CHD5: variants seen among roughly 807,000 people sequenced by gnomAD.
CHD5 encodes the protein chromodomain helicase DNA binding protein 5.
In CHD5, 69 loss-of-function variants were observed where a neutral mutation model predicts 230.3. That is an observed-to-expected ratio of 0.30 (90% CI 0.25 to 0.37). The LOEUF is 0.37. CHD5 is among the 10% of genes least tolerant of loss of function. The pLI is 1.00. For missense variants in CHD5, 1,827 were observed against 2,622.8 expected (o/e 0.70, Z 6.63); for synonymous variants, 1,064 against 1,065.9 (o/e 1.00, Z 0.03).
In CHD5 at chr1:6,130,362, G is replaced by C; in HGVS notation, c.3263-34C>G. 2.5e-6 allele frequency: 4 copies of C among 1,605,628 alleles called. No homozygotes were observed. In the South Asian group the frequency reaches 3.3e-5, roughly 13 times the overall value. ...GAGAGGCCAGCAGATGGGAGTGTTT[G>C]GGGGGGTACACCTTGGGTGGGCAGA... On this transcript the variant is annotated intron_variant, in intron 21 of 41. Transcript: ENST00000262450. The surrounding 1 kb of genome is among the most constrained non-coding windows in gnomAD (Gnocchi z 4.9).
chr1:6,171,296 C>T (rs144902287), intron 1 of CHD5, among the ~76,000 whole-genome samples: 239 of 152,290 alleles, frequency 1.6e-3, no homozygotes, highest in African/African-American at 5.3e-3. Context: ...AGACCCTCTG[C>T]CCATGGACAG....
At position 6,136,651 on chromosome 1, in the gene CHD5, G is replaced by A. The variant is rs1478645852; in HGVS notation, c.2575-13C>T. On this transcript the variant is annotated splice_polypyrimidine_tract_variant and intron_variant, in intron 16 of 41. Transcript: ENST00000262450. ...AGACCCTAAAAAACTGAGGGGAGGAGAGTGGGGCCTGTCAGGGGGCTCTGG... is the reference window on the plus strand; with the variant it reads ...AGACCCTAAAAAACTGAGGGGAGGAAAGTGGGGCCTGTCAGGGGGCTCTGG... 3.1e-6 allele frequency: 5 copies of A among 1,613,754 alleles called. No individual in the cohort carries two copies. Among genetic ancestry groups the A allele is most frequent in the Admixed American group, 1.7e-5 (1 of 59,978 alleles).
Position 6,125,340 on chromosome 1 carries a change from G to A in CHD5, c.4261-107C>T. ...ATGGGAGGAGGAGAAGGTAGGAAGG[G>A]GGCACAGAGAAGGCAGGGGCCTCCA... On this transcript the variant is annotated intron_variant, in intron 28 of 41. Coordinates refer to ENST00000262450, the MANE Select transcript of CHD5 (RefSeq NM_015557.3). This position sits in a 1 kb window ranked among gnomAD's most constrained non-coding sequence, Gnocchi z 6.7. The A allele has an allele frequency of 2.4e-6, 3 of 1,270,188 alleles. No homozygotes were observed. The highest frequency in any genetic ancestry group is 3.2e-6 in the Non-Finnish European group (3 of 925,574). 78.7% of individuals were successfully genotyped at this position (1,270,188 alleles called of 1,614,324 possible). A position where few individuals can be genotyped will look rare whatever the true frequency, so the allele number is the denominator to read the frequency against.
chr1:6,149,539 G>C (rs1048616936), intron 7 of CHD5, 127 bp from the exon 8 acceptor site: 3 of 873,640 alleles, frequency 3.4e-6, no homozygotes, highest in Non-Finnish European at 5.0e-6. Flanking sequence ...AAGGTGGGTG[G>C]GTGAATAGAC....
intron 2 of CHD5, among the ~76,000 whole-genome samples, chr1:6,162,727 A>G (rs765906372): frequency 9.9e-5 from 15 of 152,216 alleles, no homozygotes; most frequent in Non-Finnish European, 1.5e-4. Context: ...CCAGGACGAC[A>G]AGCTGGAGGG....
Position 6,130,325 on chromosome 1 carries a change from G to T in CHD5, c.3266C>A (p.Pro1089His). ...GAGGAAGCAGAACTGCTGGGCCCCG[G>T]GGGCTGAAAAAGAGAGGCCAGCAGA... ...RQEAIDRFNA[P>H]GAQQFCFLLS... Residue 1089 changes from proline (P) to histidine (H), a missense_variant, in exon 22 of 42, where the codon CCC becomes CAC. Pro to His is a moderately conservative substitution (Grantham distance 77). Around this residue, in one of 14 missense-constraint regions of CHD5, gnomAD observed 81 missense variants for 245.4 expected, o/e 0.33. Transcript: ENST00000262450. The surrounding 1 kb of genome is among the most constrained non-coding windows in gnomAD (Gnocchi z 4.9). 6.2e-7 allele frequency: 1 copy of T among 1,613,720 alleles called. No individual in the cohort carries two copies. The highest frequency in any genetic ancestry group is 8.5e-7 in the Non-Finnish European group (1 of 1,179,856).
At chr1:6,168,066 G>T in intron 2 of CHD5, 84 bp downstream of exon 2, 1 of 1,475,064 alleles carries the variant, frequency 6.8e-7, no homozygotes, top group South Asian at 1.4e-5. Context: ...AAGGTCCAGG[G>T]ACCCCAGCCC....
At chr1:6,135,091 A>T in intron 18 of CHD5, 139 bp downstream of exon 18, 1 of 1,068,720 alleles carries the variant, frequency 9.4e-7, no homozygotes, top group Non-Finnish European at 1.4e-6. Context: ...AAGAGGCCCC[A>T]CGAAGAAAGT....
In CHD5 at chr1:6,180,115, G is replaced by A. The variant is rs545749164; in HGVS notation, c.-92C>T. 8.7e-6 allele frequency: 4 copies of A among 459,624 alleles called. No homozygotes were observed. The highest frequency in any genetic ancestry group is 7.1e-5 in the East Asian group (1 of 14,004). The allele number at this position is 459,624 out of a possible 1,614,324, so 28.5% of individuals were successfully genotyped here. A position where few individuals can be genotyped will look rare whatever the true frequency, so the allele number is the denominator to read the frequency against. On this transcript the variant is annotated 5_prime_UTR_variant, in exon 1 of 42. Coordinates refer to ENST00000262450, the MANE Select transcript of CHD5 (RefSeq NM_015557.3). ...CGTGCGCTGCCGGACCGGCGCGCGC[G>A]GCGGGCGAGGCGGCCTCGGCGAGAA...
In CHD5 at chr1:6,121,718, G is replaced by C; in HGVS notation, c.4700-145C>G. The C allele has an allele frequency of 3.2e-6, 2 of 616,530 alleles. No homozygotes were observed. Among genetic ancestry groups the C allele is most frequent in the Admixed American group, 5.8e-5 (2 of 34,530 alleles). The allele number at this position is 616,530 out of a possible 1,614,324, so 38.2% of individuals were successfully genotyped here. ...AAGCACCTCCAGGAGAGACAAGCAG[G>C]ATCCCCGGCTAAGTCAGAGAGGCCA... On this transcript the variant is annotated intron_variant, in intron 31 of 41. Coordinates refer to ENST00000262450, the MANE Select transcript of CHD5 (RefSeq NM_015557.3). The surrounding 1 kb of genome is among the most constrained non-coding windows in gnomAD (Gnocchi z 4.5).
At chr1:6,149,478 C>G in intron 7 of CHD5, 66 bp from the exon 8 acceptor site, 1 of 1,502,482 alleles carries the variant, frequency 6.7e-7, no homozygotes, top group African/African-American at 1.4e-5. Context: ...CCAACTGCAT[C>G]GCCCCAGGCC....
intron 7 of CHD5, among the ~76,000 whole-genome samples, chr1:6,150,716 G>A (rs149924238): frequency 1.6e-3 from 246 of 152,242 alleles, no homozygotes; most frequent in African/African-American, 5.6e-3. Flanking sequence ...GGATGGCGAT[G>A]AGATGAAGCA....
Position 6,101,925 on chromosome 1 carries a change from G to A in CHD5, c.*3549C>T. 1 of 393,608 alleles carries A rather than the reference G, an allele frequency of 2.5e-6. No homozygotes were observed. Among genetic ancestry groups the A allele is most frequent in the Non-Finnish European group, 5.1e-6 (1 of 197,566 alleles). The allele number at this position is 393,608 out of a possible 1,614,324, so 24.4% of individuals were successfully genotyped here. A position where few individuals can be genotyped will look rare whatever the true frequency, so the allele number is the denominator to read the frequency against. ...AAGACCAGACAAGCCACGGCTCACA[G>A]GGGAGCCTGGCTTCCAAAGCTGGAC... On this transcript the variant is annotated 3_prime_UTR_variant, in exon 42 of 42. Coordinates refer to ENST00000262450, the MANE Select transcript of CHD5 (RefSeq NM_015557.3).
intron 15 of CHD5, among the ~76,000 whole-genome samples, chr1:6,141,570 G>A (rs952689168): frequency 2.0e-5 from 3 of 151,628 alleles, no homozygotes; most frequent in Non-Finnish European, 4.4e-5. Flanking sequence ...AGTCGAGATC[G>A]CCCCACTGCA....
chr1:6,143,921 G>A lies in CHD5; in HGVS notation c.1945C>T (p.Leu649=). The stretch of plus-strand genomic sequence containing the variant: ...TTGGGCAGCCTGGTGTCTTCTCCCA[G>A]CATCAGCTCCCTGGGAAACGGCATT... ...QAYWGHRELM[L]GEDTRLPKRL... Residue 649 remains leucine, a synonymous_variant, in exon 13 of 42, where the codon CTG becomes TTG. Coordinates refer to ENST00000262450, the MANE Select transcript of CHD5 (RefSeq NM_015557.3). 6.2e-7 allele frequency: 1 copy of A among 1,614,070 alleles called. No homozygotes were observed. Among genetic ancestry groups the A allele is most frequent in the South Asian group, 1.1e-5 (1 of 91,074 alleles).
chr1:6,112,854 G>A, intron 34 of CHD5, 55 bp downstream of exon 34: 1 of 1,339,578 alleles, frequency 7.5e-7, no homozygotes, highest in Non-Finnish European at 1.1e-6. Context: ...AGGGTCCAGA[G>A]GGCACCCTCA....
chr1:6,138,752 C>T (rs1213192535), intron 15 of CHD5, among the ~76,000 whole-genome samples: 1 of 152,242 alleles, frequency 6.6e-6, no homozygotes, highest in East Asian at 1.9e-4. Flanking sequence ...GGCAGTTCCA[C>T]TTCTGGGTGT....
At chr1:6,172,161 G>A (rs1667348332) in intron 1 of CHD5, among the ~76,000 whole-genome samples, 1 of 152,200 alleles carries the variant, frequency 6.6e-6, no homozygotes, top group South Asian at 2.1e-4. Context: ...CTGCGGCCAG[G>A]CCGATGAGGT....
At position 6,121,652 on chromosome 1, in the gene CHD5, G is replaced by T; in HGVS notation, c.4700-79C>A. On this transcript the variant is annotated intron_variant, in intron 31 of 41. Transcript: ENST00000262450. This position sits in a 1 kb window ranked among gnomAD's most constrained non-coding sequence, Gnocchi z 4.5. ...GGGCAGGGAGTGGGGTGGCAGAGAG[G>T]AGAGATGGGGGCTTGGCCTTCGGGA... 9.8e-7 allele frequency: 1 copy of T among 1,016,300 alleles called. No individual in the cohort carries two copies. The highest frequency in any genetic ancestry group is 1.5e-6 in the Non-Finnish European group (1 of 671,994). The allele number at this position is 1,016,300 out of a possible 1,614,324, so 63.0% of individuals were successfully genotyped here. A position where few individuals can be genotyped will look rare whatever the true frequency, so the allele number is the denominator to read the frequency against.
Sources: gnomAD v4.1 joint callset for allele counts (sites outside exome capture counted in the v4.1 genomes callset) on GRCh38, gnomAD v4.1.1 for gene constraint, gnomAD v4.1.1 regional missense constraint, Gnocchi (gnomAD v3.1) non-coding constraint, MANE v1.5 for transcripts, NCBI Gene and HGNC (gene_info 2026-07-23, HGNC 2026-07-21) for gene names.